CTNNA3: variants seen among roughly 807,000 people sequenced by gnomAD.
The protein encoded by CTNNA3 is catenin alpha-3.
CTNNA3 carries 76 observed loss-of-function variants against 95.7 expected under a neutral mutation model. The ratio of observed to expected loss-of-function variants is 0.79; its 90% CI spans 0.66 to 0.96. The LOEUF (loss-of-function observed/expected upper bound fraction) is 0.96, where lower values mean the gene tolerates loss of function less well. Ranked by LOEUF, CTNNA3 falls within the 40% of genes least tolerant of loss-of-function variation. The pLI is 0.00. For synonymous variants in CTNNA3, 431 were observed against 374.4 expected (o/e 1.15, Z -1.74); for missense variants, 1,191 against 1,089.8 (o/e 1.09, Z -1.31).
chr10:67,240,019 C>T (rs1216396174), intron 5 of CTNNA3, among the ~76,000 whole-genome samples: 2 of 152,130 alleles, frequency 1.3e-5, no homozygotes, highest in African/African-American at 4.8e-5. Context: ...AACTTCCTTA[C>T]GAAGCTACAT....
intron 11 of CTNNA3, among the ~76,000 whole-genome samples, chr10:66,481,494 C>T (rs1360254540): frequency 1.0e-4 from 9 of 87,286 alleles, no homozygotes; most frequent in East Asian, 4.2e-4. Context: ...TTTTTTGAGA[C>T]GGAGTCTCGC....
intron 13 of CTNNA3, among the ~76,000 whole-genome samples, chr10:66,216,185 T>C (rs1313849135): frequency 1.3e-5 from 2 of 152,248 alleles, no homozygotes; most frequent in Admixed American, 6.5e-5. Flanking sequence ...CTTAGGCAAA[T>C]TTACATAGCA....
In CTNNA3 at chr10:67,398,702, C is replaced by T. The variant is rs1183153877; in HGVS notation, c.579+123140G>A. Among the ~76,000 whole-genome samples the T allele has an allele frequency of 2.0e-5, 3 of 152,096 alleles. No homozygotes were observed. In the East Asian group the frequency reaches 5.8e-4, roughly 29 times the overall value. ...TTGAATTTAGTTCCCATAATCCCCACGTGTCATGGGAGGGTACCTGGTGGG... is the reference window on the plus strand; with the variant it reads ...TTGAATTTAGTTCCCATAATCCCCATGTGTCATGGGAGGGTACCTGGTGGG... On this transcript the variant is annotated intron_variant, in intron 5 of 17. Coordinates refer to ENST00000433211, the MANE Select transcript of CTNNA3 (RefSeq NM_013266.4).
chr10:67,499,168 C>A lies in CTNNA3; in HGVS notation c.579+22674G>T, dbSNP rs147808151. Among the ~76,000 whole-genome samples the A allele has an allele frequency of 4.4e-3, 673 of 152,188 alleles. 1 individual carries two copies. Among genetic ancestry groups the A allele is most frequent in the Non-Finnish European group, 7.7e-3 (526 of 68,016 alleles). Reference sequence around the variant, plus strand: ...AAGCGGTGTTGAATTTTGTTGAAGGCCTTTTCTGCATCTATTGAGATATTC... The same window carrying A: ...AAGCGGTGTTGAATTTTGTTGAAGGACTTTTCTGCATCTATTGAGATATTC... On this transcript the variant is annotated intron_variant, in intron 5 of 17. Coordinates refer to ENST00000433211, the MANE Select transcript of CTNNA3 (RefSeq NM_013266.4).
rs548281346 is a variant in CTNNA3, at chr10:67,236,277, A to G, written c.580-16407T>C. Among the ~76,000 whole-genome samples, 1,409 of 150,650 alleles carry G rather than the reference A, an allele frequency of 9.4e-3. 6 individuals carry two copies. The highest frequency in any genetic ancestry group is 0.022 in the African/African-American group (877 of 40,738). On this transcript the variant is annotated intron_variant, in intron 5 of 17. Coordinates refer to ENST00000433211, the MANE Select transcript of CTNNA3 (RefSeq NM_013266.4). ...GAACCAACCCAAATGTCCAACAATG[A>G]TAGACTGGATTAAGAAAATGTGGCA... is the stretch of plus-strand genomic sequence containing the variant.
chr10:66,350,541 A>G (rs2092558937), intron 12 of CTNNA3, among the ~76,000 whole-genome samples: 1 of 149,154 alleles, frequency 6.7e-6, no homozygotes, highest in South Asian at 2.1e-4. Context: ...GTAGCTCCAG[A>G]AAAAAAAAAT....
intron 7 of CTNNA3, among the ~76,000 whole-genome samples, chr10:67,123,848 G>T (rs1233416171): frequency 6.6e-6 from 1 of 152,096 alleles, no homozygotes; most frequent in Non-Finnish European, 1.5e-5. Context: ...AACCAAGTAG[G>T]TTATACTGTT....
chr10:66,446,329 C>T lies in CTNNA3; in HGVS notation c.1532-66977G>A, dbSNP rs546199190. The stretch of plus-strand genomic sequence containing the variant: ...ATCCTCCCTAACTCATTTTATGAGG[C>T]CAGCATCATCCTGATACCAAAGCCT... On this transcript the variant is annotated intron_variant, in intron 11 of 17. Transcript: ENST00000433211. Among the ~76,000 whole-genome samples the T allele has an allele frequency of 3.8e-3, 576 of 152,184 alleles. 2 individuals carry two copies. The highest frequency in any genetic ancestry group is 0.015 in the South Asian group (70 of 4,808).
chr10:66,515,356 T>TATATATAA (rs1840811822), intron 11 of CTNNA3, among the ~76,000 whole-genome samples: 1 of 151,662 alleles, frequency 6.6e-6, no homozygotes, highest in African/African-American at 2.4e-5. Context: ...TATATATATA[T>TATATATAA]ATAGTATTAG....
chr10:67,446,161 C>T (rs1323646159), intron 5 of CTNNA3, among the ~76,000 whole-genome samples: 1 of 152,158 alleles, frequency 6.6e-6, no homozygotes, highest in African/African-American at 2.4e-5. Flanking sequence ...CCGAATCAGT[C>T]ATTTGTGAGC....
At chr10:67,292,643 A>T (rs1222402447) in intron 5 of CTNNA3, among the ~76,000 whole-genome samples, 1 of 152,224 alleles carries the variant, frequency 6.6e-6, no homozygotes, top group African/African-American at 2.4e-5. Flanking sequence ...TCTAAGGGAT[A>T]GAACAATTTT....
At position 66,426,009 on chromosome 10, in the gene CTNNA3, T is replaced by C. The variant is rs368289887; in HGVS notation, c.1532-46657A>G. Among the ~76,000 whole-genome samples the C allele has an allele frequency of 4.7e-4, 71 of 152,258 alleles. 1 individual carries two copies. In the South Asian group the frequency reaches 0.015, roughly 31 times the overall value. Reference sequence around the variant, plus strand: ...ATCATCTACAATGTATTTTTTGTATTTTTTATTCAACCCATTATGTTTGTG... The same window carrying C: ...ATCATCTACAATGTATTTTTTGTATCTTTTATTCAACCCATTATGTTTGTG... On this transcript the variant is annotated intron_variant, in intron 11 of 17. Transcript: ENST00000433211.
At chr10:67,240,772 T>G (rs990761429) in intron 5 of CTNNA3, among the ~76,000 whole-genome samples, 1 of 152,100 alleles carries the variant, frequency 6.6e-6, no homozygotes, top group Non-Finnish European at 1.5e-5. Flanking sequence ...AAGAAACCTA[T>G]GAGGAAAACA....
At chr10:65,963,767 G>A (rs1479105670) in intron 17 of CTNNA3, among the ~76,000 whole-genome samples, 1 of 152,096 alleles carries the variant, frequency 6.6e-6, no homozygotes, top group Non-Finnish European at 1.5e-5. Context: ...CTCTATACAG[G>A]TAAAACATGC....
At chr10:66,144,488 TA>T (rs1281642356) in intron 13 of CTNNA3, among the ~76,000 whole-genome samples, 2 of 151,866 alleles carry the variant, frequency 1.3e-5, no homozygotes, top group African/African-American at 4.8e-5. Flanking sequence ...TATATTTATT[TA>T]TTTATTTTTT....
In CTNNA3 at chr10:66,069,324, T is replaced by C. The variant is rs761047309; in HGVS notation, c.2143A>G (p.Met715Val). The C allele has an allele frequency of 1.9e-6, 3 of 1,613,480 alleles. No individual in the cohort carries two copies. Among genetic ancestry groups the C allele is most frequent in the Non-Finnish European group, 2.5e-6 (3 of 1,179,618 alleles). Reference protein sequence around the residue: ...AKNMCMIMMEMTDFTRGKGPL... With the variant: ...AKNMCMIMMEVTDFTRGKGPL... Reference sequence around the variant, plus strand: ...CATAATTACCTAGTGAAGTCTGTCATCTCCATCATGATCATACACATGTTC... The same window carrying C: ...CATAATTACCTAGTGAAGTCTGTCACCTCCATCATGATCATACACATGTTC... The change falls in exon 15 of 18, where the codon ATG becomes GTG. Residue 715 changes from methionine to valine, a missense_variant. Physicochemically the swap from Met to Val is conservative, Grantham distance 21 (BLOSUM62 1). Transcript: ENST00000433211.
At chr10:67,569,159 G>A (rs771282289) in intron 3 of CTNNA3, among the ~76,000 whole-genome samples, 4 of 152,052 alleles carry the variant, frequency 2.6e-5, no homozygotes, top group South Asian at 2.1e-4. Context: ...CTAAAAAAAC[G>A]TTCAACATGG....
At chr10:66,131,348 T>C (rs2083094154) in intron 13 of CTNNA3, among the ~76,000 whole-genome samples, 1 of 152,018 alleles carries the variant, frequency 6.6e-6, no homozygotes, top group African/African-American at 2.4e-5. Flanking sequence ...CAGCAACACG[T>C]CAAAAAACTA....
intron 15 of CTNNA3, among the ~76,000 whole-genome samples, chr10:66,061,495 C>T (rs1448302761): frequency 2.6e-5 from 4 of 152,066 alleles, no homozygotes; most frequent in South Asian, 2.1e-4. Flanking sequence ...CGCATAAATG[C>T]CTGTCCCTCT....
Sources: allele counts gnomAD v4.1 joint callset (sites outside exome capture counted in the v4.1 genomes callset), GRCh38; gene constraint gnomAD v4.1.1; transcripts MANE v1.5; gene names NCBI Gene and HGNC (gene_info 2026-07-23, HGNC 2026-07-21).